The following ANGEL1 variants were observed in gnomAD, a reference collection of about 807,000 sequenced individuals.
The protein encoded by ANGEL1 is RNA 2',3'-cyclic phosphatase ANGEL1.
A neutral mutation model predicts 76.4 loss-of-function variants in ANGEL1; 62 were observed. The ratio of observed to expected loss-of-function variants is 0.81; its 90% CI spans 0.66 to 1.00. ANGEL1 has a LOEUF of 1.00. Ranked by LOEUF, ANGEL1 falls within the 50% of genes least tolerant of loss-of-function variation. The probability of loss-of-function intolerance (pLI) is 0.00; values close to 1 mark genes in which losing one functional copy is unlikely to be tolerated. For synonymous variants in ANGEL1, 340 were observed against 331.7 expected (o/e 1.03, Z -0.27); for missense variants, 737 against 836.7 (o/e 0.88, Z 1.47).
chr14:76,809,598 G>C lies in ANGEL1; in HGVS notation c.110C>G (p.Ser37Ter). Reference protein sequence around the residue: ...CRKNVLLANSSSPQVEGDFAM... With the variant: ...CRKNVLLANS ...AAAGTCGCCCTCTACCTGGGGGGAT[G>C]AGCTGTTCGCCAGAAGGACATTTTT... Residue 37 changes from serine to a stop codon, truncating the protein, a stop_gained, in exon 2 of 10, where the codon TCA becomes TGA. Transcript: ENST00000251089. LOFTEE classifies it high-confidence loss of function. 2 of 1,613,842 alleles carry C rather than the reference G, an allele frequency of 1.2e-6. No individual in the cohort carries two copies. The highest frequency in any genetic ancestry group is 1.7e-6 in the Non-Finnish European group (2 of 1,179,918).
At chr14:76,808,709 G>A (rs1382497693) in intron 2 of ANGEL1, among the ~76,000 whole-genome samples, 1 of 152,132 alleles carries the variant, frequency 6.6e-6, no homozygotes, top group Non-Finnish European at 1.5e-5. Flanking sequence ...AGAGACTAGA[G>A]GCCCTGAGAC....
intron 8 of ANGEL1, 147 bp downstream of exon 8, chr14:76,791,150 C>A (rs1894394122): frequency 6.7e-6 from 6 of 900,012 alleles, no homozygotes; most frequent in Non-Finnish European, 1.1e-5. Context: ...ACCTACATAA[C>A]CCTCTATAAG....
intron 7 of ANGEL1, among the ~76,000 whole-genome samples, chr14:76,802,821 C>T (rs753464795): frequency 6.6e-6 from 1 of 152,230 alleles, no homozygotes; most frequent in Non-Finnish European, 1.5e-5. Flanking sequence ...TTCTTGCAGG[C>T]ATTCCTTCTG....
At chr14:76,793,415 A>AGGGTAGGGGAGGGGAGGGG (rs1566695834) in intron 7 of ANGEL1, among the ~76,000 whole-genome samples, 4 of 3,830 alleles carry the variant, frequency 1.0e-3, no homozygotes, top group Non-Finnish European at 1.1e-3. Context: ...GATAAAAGGA[A>AGGGTAGGGGAGGGGAGGGG]AGAGGAGAGG....
At chr14:76,795,560 T>C (rs796553395) in intron 7 of ANGEL1, among the ~76,000 whole-genome samples, 1 of 152,324 alleles carries the variant, frequency 6.6e-6, no homozygotes, top group African/African-American at 2.4e-5. Context: ...TTTGTAACAA[T>C]TTAAACAATA....
chr14:76,807,625 C>A, intron 3 of ANGEL1, 123 bp from the exon 4 acceptor site: 3 of 916,892 alleles, frequency 3.3e-6, no homozygotes, highest in Non-Finnish European at 3.4e-6. Flanking sequence ...CCAGAGTCAC[C>A]AACAGCAAGA....
intron 7 of ANGEL1, among the ~76,000 whole-genome samples, chr14:76,798,103 A>G (rs1048113357): frequency 6.7e-6 from 1 of 149,466 alleles, no homozygotes; most frequent in African/African-American, 2.5e-5. Context: ...CCAGGCCCTC[A>G]CCAGACACTA....
At position 76,788,937 on chromosome 14, in the gene ANGEL1, A is replaced by G; in HGVS notation, c.*291T>C. 3.0e-6 allele frequency: 1 copy of G among 330,408 alleles called. No homozygotes were observed. Among genetic ancestry groups the G allele is most frequent in the East Asian group, 5.6e-5 (1 of 17,726 alleles). The allele number at this position is 330,408 out of a possible 1,614,324, so 20.5% of individuals were successfully genotyped here. ...CCATAACCCTGGTAATTAAAAATCA[A>G]GGGGGAGCGCTGGATACATGGAAGG... On this transcript the variant is annotated 3_prime_UTR_variant, in exon 10 of 10. Coordinates refer to ENST00000251089, the MANE Select transcript of ANGEL1 (RefSeq NM_015305.4).
intron 2 of ANGEL1, among the ~76,000 whole-genome samples, chr14:76,808,590 A>G (rs996968319): frequency 6.6e-6 from 1 of 152,154 alleles, no homozygotes; most frequent in African/African-American, 2.4e-5. Flanking sequence ...CATCTCCCCT[A>G]TGGCATGTGG....
At position 76,809,596 on chromosome 14, in the gene ANGEL1, A is replaced by T. The variant is rs1428589993; in HGVS notation, c.112T>A (p.Ser38Thr). 2 of 1,613,840 alleles carry T rather than the reference A, an allele frequency of 1.2e-6. No homozygotes were observed. The highest frequency in any genetic ancestry group is 3.3e-5 in the Admixed American group (2 of 59,962). The part of the protein sequence containing the change: ...RKNVLLANSS[S>T]PQVEGDFAMA... ...GCAAAGTCGCCCTCTACCTGGGGGG[A>T]TGAGCTGTTCGCCAGAAGGACATTT... Residue 38 changes from serine to threonine, a missense_variant, in exon 2 of 10, where the codon TCC becomes ACC. Coordinates refer to ENST00000251089, the MANE Select transcript of ANGEL1 (RefSeq NM_015305.4).
At chr14:76,796,261 C>CT (rs1249373857) in intron 7 of ANGEL1, among the ~76,000 whole-genome samples, 3,073 of 136,064 alleles carry the variant, frequency 0.023, 43 homozygotes, top group Middle Eastern at 0.07. Flanking sequence ...TTTTCTTTTT[C>CT]TTTTTTTTTT....
In ANGEL1 at chr14:76,812,678, C is replaced by G. The variant is rs1174154698; in HGVS notation, c.64+86G>C. On this transcript the variant is annotated intron_variant, in intron 1 of 9. Coordinates refer to ENST00000251089, the MANE Select transcript of ANGEL1 (RefSeq NM_015305.4). Reference sequence around the variant, plus strand: ...GGGGCACGGTAGTCGTGAGGCCCGGCCAACCGCACGCCGCCCCAGGCCCGC... The same window carrying G: ...GGGGCACGGTAGTCGTGAGGCCCGGGCAACCGCACGCCGCCCCAGGCCCGC... 5.0e-6 allele frequency: 7 copies of G among 1,405,558 alleles called. No homozygotes were observed. The South Asian group carries it at 7.5e-5, about 15-fold the overall frequency. 87.1% of individuals were successfully genotyped at this position (1,405,558 alleles called of 1,614,324 possible).
intron 6 of ANGEL1, 27 bp downstream of exon 6, chr14:76,803,759 C>T (rs751218615): frequency 2.5e-6 from 4 of 1,579,646 alleles, no homozygotes; most frequent in Admixed American, 1.8e-5. Context: ...GAAGACACAG[C>T]CAACCAAGAA....
intron 7 of ANGEL1, among the ~76,000 whole-genome samples, chr14:76,796,261 C>CTT (rs1249373857): frequency 1.1e-4 from 15 of 136,130 alleles, no homozygotes; most frequent in Admixed American, 5.2e-4. Context: ...TTTTCTTTTT[C>CTT]TTTTTTTTTT....
chr14:76,801,466 T>C (rs1894762661), intron 7 of ANGEL1, among the ~76,000 whole-genome samples: 1 of 152,150 alleles, frequency 6.6e-6, no homozygotes, highest in South Asian at 2.1e-4. Context: ...ATTCACATCT[T>C]TTCGTTTTGG....
intron 5 of ANGEL1, among the ~76,000 whole-genome samples, chr14:76,804,955 A>G (rs1017368626): frequency 6.6e-6 from 1 of 152,114 alleles, no homozygotes; most frequent in Non-Finnish European, 1.5e-5. Flanking sequence ...GGTTGCAGTG[A>G]GCCGAGATCG....
chr14:76,812,286 AG>A, intron 1 of ANGEL1: 1 of 991,238 alleles, frequency 1.0e-6, no homozygotes, highest in Non-Finnish European at 1.2e-6. Flanking sequence ...TGGCAGTGAA[AG>A]GCGAGTGTGA....
chr14:76,803,312 G>A, intron 7 of ANGEL1, 59 bp downstream of exon 7: 1 of 1,368,426 alleles, frequency 7.3e-7, no homozygotes, highest in South Asian at 1.2e-5. Flanking sequence ...CCACATAACT[G>A]ACCAATATCA....
intron 7 of ANGEL1, among the ~76,000 whole-genome samples, chr14:76,800,807 C>T (rs759383708): frequency 2.0e-5 from 3 of 152,072 alleles, no homozygotes; most frequent in Non-Finnish European, 2.9e-5. Context: ...CCTGTCTCTA[C>T]TAAAAATACA....
Sources: gnomAD v4.1 joint callset for allele counts (sites outside exome capture counted in the v4.1 genomes callset) on GRCh38, gnomAD v4.1.1 for gene constraint, MANE v1.5 for transcripts, NCBI Gene and HGNC (gene_info 2026-07-23, HGNC 2026-07-21) for gene names.